SCAF8: variants seen among roughly 807,000 people sequenced by gnomAD.
SCAF8 encodes SR-related CTD associated factor 8, also known as SR-related and CTD-associated factor 8.
In SCAF8, 23 loss-of-function variants were observed where a neutral mutation model predicts 140.5. That is an observed-to-expected ratio of 0.16 (90% CI 0.12 to 0.23). The LOEUF is 0.23. Among genes scored for constraint, SCAF8 ranks in the 10% least tolerant of loss-of-function variants. The pLI is 1.00. For synonymous variants in SCAF8, 575 were observed against 528.9 expected (o/e 1.09, Z -1.20); for missense variants, 1,397 against 1,555.7 (o/e 0.90, Z 1.72).
At chr6:154,818,630 A>G (rs1049363389) in intron 14 of SCAF8, 38 bp downstream of exon 14, 5 of 1,012,288 alleles carry the variant, frequency 4.9e-6, no homozygotes, top group South Asian at 2.8e-5. Context: ...GTAGGGGGGC[A>G]GTATTTTTAA....
chr6:154,820,136 T>C (rs1310160554), intron 14 of SCAF8, 41 bp from the exon 15 acceptor site: 14 of 1,452,638 alleles, frequency 9.6e-6, no homozygotes, highest in Non-Finnish European at 1.3e-5. Flanking sequence ...TTATAGTATG[T>C]ATGTATAACC....
chr6:154,826,368 A>T (rs1778567604), intron 17 of SCAF8, among the ~76,000 whole-genome samples: 2 of 152,142 alleles, frequency 1.3e-5, no homozygotes. Context: ...TTTAAAATGT[A>T]CAAAAGGTAT....
Position 154,832,011 on chromosome 6 carries a change from G to A in SCAF8, c.2432G>A (p.Gly811Glu). ...GQPPNVTSNS[G>E]ILGVQRPNVS... ...CCGCCAAATGTGACAAGCAATTCTG[G>A]AATTCTGGGAGTCCAAAGACCAAAT... Residue 811 changes from glycine to glutamate, a missense_variant, in exon 20 of 20, where the codon GGA becomes GAA. Gly to Glu is a moderately conservative substitution (Grantham distance 98). Transcript: ENST00000367178. The A allele has an allele frequency of 6.2e-7, 1 of 1,613,738 alleles. No individual in the cohort carries two copies. The highest frequency in any genetic ancestry group is 8.5e-7 in the Non-Finnish European group (1 of 1,179,822).
At chr6:154,766,966 G>A (rs113119930) in intron 1 of SCAF8, among the ~76,000 whole-genome samples, 55 of 152,140 alleles carry the variant, frequency 3.6e-4, no homozygotes, top group African/African-American at 1.1e-3. Context: ...AGATCTAGAG[G>A]CTGAATTAAG....
At chr6:154,775,760 AAGT>A (rs1776899545) in intron 2 of SCAF8, among the ~76,000 whole-genome samples, 1 of 151,958 alleles carries the variant, frequency 6.6e-6, no homozygotes, top group Non-Finnish European at 1.5e-5. Context: ...TTAAAAAAAG[AAGT>A]AATGTTTTTT....
intron 12 of SCAF8, among the ~76,000 whole-genome samples, chr6:154,813,144 C>T (rs961338352): frequency 6.6e-6 from 1 of 152,078 alleles, no homozygotes; most frequent in African/African-American, 2.4e-5. Context: ...GGTTGAGAAG[C>T]TGCAGTGGGA....
intron 13 of SCAF8, 116 bp downstream of exon 13, chr6:154,815,932 T>C: frequency 1.9e-6 from 1 of 531,624 alleles, no homozygotes; most frequent in South Asian, 2.4e-5. Flanking sequence ...ATACACATCT[T>C]TAAAAGGATT....
chr6:154,812,970 C>T (rs985542477), intron 12 of SCAF8, among the ~76,000 whole-genome samples: 31 of 151,510 alleles, frequency 2.0e-4, no homozygotes, highest in African/African-American at 6.8e-4. Context: ...AGGCACAGGC[C>T]AGCAGATTGT....
chr6:154,735,702 T>TG (rs1401939645), intron 1 of SCAF8, among the ~76,000 whole-genome samples: 1 of 151,864 alleles, frequency 6.6e-6, no homozygotes, highest in Non-Finnish European at 1.5e-5. Flanking sequence ...TTAGTAGAGA[T>TG]GGGGTTTCAC....
intron 1 of SCAF8, among the ~76,000 whole-genome samples, chr6:154,742,248 C>CAT (rs1050850615): frequency 1.1e-4 from 16 of 151,986 alleles, no homozygotes; most frequent in African/African-American, 3.4e-4. Flanking sequence ...GAGCATAAAT[C>CAT]ATATATATAT....
intron 1 of SCAF8, 125 bp downstream of exon 1, chr6:154,734,055 C>G: frequency 7.4e-7 from 1 of 1,350,200 alleles, no homozygotes; most frequent in South Asian, 1.9e-5. Flanking sequence ...GGTGGCCTAG[C>G]AGTGCCCGTG....
chr6:154,786,663 G>A (rs1239599393), intron 3 of SCAF8, among the ~76,000 whole-genome samples: 2 of 152,216 alleles, frequency 1.3e-5, no homozygotes, highest in Non-Finnish European at 2.9e-5. Context: ...AGTTGGTTAG[G>A]TCTGCTCGCT....
chr6:154,736,982 C>A (rs578144020), intron 1 of SCAF8, among the ~76,000 whole-genome samples: 1 of 151,780 alleles, frequency 6.6e-6, no homozygotes, highest in Non-Finnish European at 1.5e-5. Context: ...TTTTTTTAAA[C>A]ACAAAACAAT....
intron 1 of SCAF8, among the ~76,000 whole-genome samples, chr6:154,754,223 C>G (rs1175574631): frequency 6.6e-6 from 1 of 152,128 alleles, no homozygotes; most frequent in African/African-American, 2.4e-5. Context: ...ATAATTCATG[C>G]TTAAAATTCA....
rs1490556404 is a variant in SCAF8 at position 154,830,996 on chromosome 6, G to T, written c.2215G>T (p.Gly739Cys). The T allele has an allele frequency of 6.2e-7, 1 of 1,613,978 alleles. No individual in the cohort carries two copies. Among genetic ancestry groups the T allele is most frequent in the Non-Finnish European group, 8.5e-7 (1 of 1,179,994 alleles). ...DVGFGSLVIPGGSVASNLATS... is the reference protein window; with the variant it reads ...DVGFGSLVIPCGSVASNLATS... ...TGGATTTGGTAGCCTTGTTATACCA[G>T]GCGGTTCTGTTGCCAGCAATCTTGC... The change falls in exon 19 of 20, where the codon GGC (glycine) becomes TGC (cysteine). Residue 739 changes from glycine (G) to cysteine (C), a missense_variant. By Grantham distance (159) the Gly-to-Cys change is radical (BLOSUM62 -3). Transcript: ENST00000367178.
chr6:154,774,062 A>G lies in SCAF8; in HGVS notation c.104A>G (p.Lys35Arg), dbSNP rs776171350. ...ACCCAAATTACTAAGGCAGCCATCA[A>G]AGCTATTAAGGTGAGTAATAAATTT... ...KMTQITKAAI[K>R]AIKFYKHVVQ... The change falls in exon 2 of 20, where the codon AAA becomes AGA. Residue 35 changes from lysine (K) to arginine (R), a missense_variant. By Grantham distance (26) the Lys-to-Arg change is conservative. This residue lies in a region of SCAF8 where 43 missense variants were observed against 142.1 expected (regional missense o/e 0.30). Coordinates refer to ENST00000367178, the MANE Select transcript of SCAF8 (RefSeq NM_014892.5). The G allele has an allele frequency of 1.9e-6, 3 of 1,606,160 alleles. No individual in the cohort carries two copies. Among genetic ancestry groups the G allele is most frequent in the South Asian group, 2.2e-5 (2 of 90,878 alleles).
Position 154,832,155 on chromosome 6 carries a change from C to T in SCAF8, c.2576C>T (p.Pro859Leu). ...LNNSGILGIQ[P>L]PSVSNSSGLL... The stretch of plus-strand genomic sequence containing the variant: ...AACTCTGGAATATTGGGAATACAGC[C>T]ACCCAGTGTGTCAAATAGTTCTGGA... Residue 859 changes from proline (P) to leucine (L), a missense_variant, in exon 20 of 20, where the codon CCA becomes CTA. By Grantham distance (98) the Pro-to-Leu change is moderately conservative (BLOSUM62 -3). Coordinates refer to ENST00000367178, the MANE Select transcript of SCAF8 (RefSeq NM_014892.5). 6.2e-7 allele frequency: 1 copy of T among 1,614,094 alleles called. No individual in the cohort carries two copies. The highest frequency in any genetic ancestry group is 1.1e-5 in the South Asian group (1 of 91,076).
chr6:154,807,904 A>G (rs547546963), intron 9 of SCAF8, among the ~76,000 whole-genome samples, 166 bp from the exon 10 acceptor site: 1 of 152,322 alleles, frequency 6.6e-6, no homozygotes, highest in South Asian at 2.1e-4. Flanking sequence ...GTTTATACAA[A>G]TGTTTAATTT....
intron 7 of SCAF8, 125 bp downstream of exon 7, chr6:154,802,272 A>T: frequency 1.9e-6 from 1 of 533,102 alleles, no homozygotes; most frequent in East Asian, 3.6e-5. Context: ...TGTATAAGAC[A>T]GTCTGAATTT....
Sources: allele counts gnomAD v4.1 joint callset (sites outside exome capture counted in the v4.1 genomes callset), GRCh38; gene constraint gnomAD v4.1.1; regional missense constraint gnomAD v4.1.1; transcripts MANE v1.5; gene names NCBI Gene and HGNC (gene_info 2026-07-23, HGNC 2026-07-21).